MNAT1: variants seen among roughly 807,000 people sequenced by gnomAD.
MNAT1 encodes CDK-activating kinase assembly factor MAT1.
MNAT1 carries 43 observed loss-of-function variants against 42.0 expected under a neutral mutation model. That is an observed-to-expected ratio of 1.02 (90% CI 0.80 to 1.32). The LOEUF (loss-of-function observed/expected upper bound fraction) is 1.32, where lower values mean the gene tolerates loss of function less well. Among genes scored for constraint, MNAT1 ranks in the 40% most tolerant of loss-of-function variants. The pLI is 0.00. For missense variants in MNAT1, 306 were observed against 350.4 expected, an observed-to-expected ratio of 0.87 and a Z score of 1.01; for synonymous variants, 118 against 120.0, an observed-to-expected ratio of 0.98 and a Z score of 0.11.
At chr14:60,792,151 T>C (rs1369749123) in intron 1 of MNAT1, among the ~76,000 whole-genome samples, 2 of 152,170 alleles carry the variant, frequency 1.3e-5, no homozygotes, top group Non-Finnish European at 2.9e-5. Context: ...ATTTTTTTCA[T>C]GTGTTTTCCA....
intron 3 of MNAT1, among the ~76,000 whole-genome samples, chr14:60,807,523 T>C (rs2032409726): frequency 6.6e-6 from 1 of 152,204 alleles, no homozygotes; most frequent in Non-Finnish European, 1.5e-5. Flanking sequence ...AGGAGAGTCT[T>C]ACTGATATGG....
chr14:60,890,122 A>G (rs1281915433), intron 7 of MNAT1, among the ~76,000 whole-genome samples: 1 of 152,178 alleles, frequency 6.6e-6, no homozygotes, highest in East Asian at 1.9e-4. Flanking sequence ...AAGGACTATA[A>G]ATCATGCTGC....
chr14:60,885,491 A>AT (rs750941559), intron 7 of MNAT1, among the ~76,000 whole-genome samples: 10 of 151,450 alleles, frequency 6.6e-5, no homozygotes, highest in Non-Finnish European at 1.3e-4. Flanking sequence ...TTTTGTTTGT[A>AT]TTTTCTTGAT....
intron 7 of MNAT1, among the ~76,000 whole-genome samples, chr14:60,897,522 T>C (rs545210781): frequency 2.4e-4 from 36 of 152,288 alleles, no homozygotes; most frequent in African/African-American, 7.9e-4. Context: ...AATATCTTTA[T>C]TTAAGGTGTG....
intron 1 of MNAT1, among the ~76,000 whole-genome samples, chr14:60,793,094 C>T (rs1349223264): frequency 6.6e-6 from 1 of 152,006 alleles, no homozygotes; most frequent in Non-Finnish European, 1.5e-5. Context: ...TCACAGCACA[C>T]TGCAGCCTCC....
intron 6 of MNAT1, among the ~76,000 whole-genome samples, chr14:60,863,117 T>G (rs185581100): frequency 2.0e-5 from 3 of 152,276 alleles, no homozygotes; most frequent in African/African-American, 7.2e-5. Context: ...TGATTCTTTT[T>G]CCTAAATATC....
intron 6 of MNAT1, among the ~76,000 whole-genome samples, chr14:60,826,733 G>A (rs183195718): frequency 1.1e-4 from 17 of 152,006 alleles, no homozygotes; most frequent in African/African-American, 4.1e-4. Flanking sequence ...TGATCTATTT[G>A]GTTCAAATCC....
chr14:60,788,480 A>G (rs1410839637), intron 1 of MNAT1, among the ~76,000 whole-genome samples: 2 of 152,180 alleles, frequency 1.3e-5, no homozygotes, highest in East Asian at 3.9e-4. Context: ...TCCTGAAAAG[A>G]CACCCTTGCC....
At chr14:60,817,343 T>C (rs1319008339) in intron 5 of MNAT1, among the ~76,000 whole-genome samples, 4 of 151,894 alleles carry the variant, frequency 2.6e-5, no homozygotes, top group African/African-American at 9.7e-5. Context: ...TATTCTAGTA[T>C]ATTCTCCTCG....
intron 7 of MNAT1, among the ~76,000 whole-genome samples, chr14:60,909,431 T>C (rs1286089219): frequency 6.6e-6 from 1 of 152,222 alleles, no homozygotes; most frequent in Non-Finnish European, 1.5e-5. Flanking sequence ...TGCCTAGGTT[T>C]TCTTCTAGGG....
intron 1 of MNAT1, among the ~76,000 whole-genome samples, chr14:60,758,491 C>T (rs1247506012): frequency 6.6e-6 from 1 of 152,024 alleles, no homozygotes; most frequent in East Asian, 1.9e-4. Context: ...GTGTGAGCCA[C>T]GTTGCCTGGT....
intron 6 of MNAT1, among the ~76,000 whole-genome samples, chr14:60,865,939 T>G (rs1196845085): frequency 1.3e-5 from 2 of 152,094 alleles, no homozygotes; most frequent in Admixed American, 6.6e-5. Flanking sequence ...TTTCTTCCCC[T>G]CCATTTCAGG....
chr14:60,918,611 C>A (rs1323713309), intron 7 of MNAT1, among the ~76,000 whole-genome samples: 1 of 151,556 alleles, frequency 6.6e-6, no homozygotes, highest in Non-Finnish European at 1.5e-5. Flanking sequence ...AATTATGGTG[C>A]ACAAACATCA....
At chr14:60,951,399 C>G (rs1292171841) in intron 7 of MNAT1, among the ~76,000 whole-genome samples, 1 of 151,030 alleles carries the variant, frequency 6.6e-6, no homozygotes, top group African/African-American at 2.4e-5. Flanking sequence ...GAAACATTTC[C>G]TTTAGTGGTT....
At chr14:60,817,558 G>A (rs2032752827) in intron 5 of MNAT1, among the ~76,000 whole-genome samples, 1 of 151,846 alleles carries the variant, frequency 6.6e-6, no homozygotes, top group East Asian at 1.9e-4. Flanking sequence ...CAATTCTATT[G>A]AATTAAGTTG....
chr14:60,808,158 C>T (rs946918104), intron 3 of MNAT1, among the ~76,000 whole-genome samples, 167 bp from the exon 4 acceptor site: 8 of 151,870 alleles, frequency 5.3e-5, no homozygotes, highest in Non-Finnish European at 8.8e-5. Context: ...ACATGTTTGC[C>T]GTAACTAGAG....
chr14:60,906,653 AC>A (rs1450280097), intron 7 of MNAT1, among the ~76,000 whole-genome samples: 3 of 152,192 alleles, frequency 2.0e-5, no homozygotes, highest in African/African-American at 7.2e-5. Context: ...TTTTATCTGA[AC>A]AACAAAGCTG....
At chr14:60,829,177 T>C (rs2139380499) in intron 6 of MNAT1, among the ~76,000 whole-genome samples, 1 of 152,278 alleles carries the variant, frequency 6.6e-6, no homozygotes, top group South Asian at 2.1e-4. Context: ...TAAGCCCCTG[T>C]TCTGAGGCTA....
intron 1 of MNAT1, among the ~76,000 whole-genome samples, chr14:60,735,321 G>A (rs1323953654): frequency 6.6e-6 from 1 of 152,128 alleles, no homozygotes; most frequent in Non-Finnish European, 1.5e-5. Flanking sequence ...TATTGAAAAA[G>A]TGCGAAAGTG....
Sources: allele counts gnomAD v4.1 joint callset (sites outside exome capture counted in the v4.1 genomes callset), GRCh38; gene constraint gnomAD v4.1.1; transcripts MANE v1.5; gene names NCBI Gene and HGNC (gene_info 2026-07-23, HGNC 2026-07-21).